EXOC6B: variants seen among roughly 807,000 people sequenced by gnomAD.
EXOC6B encodes exocyst complex component 6B.
A neutral mutation model predicts 113.5 loss-of-function variants in EXOC6B; 54 were observed. The observed-to-expected ratio is 0.48, with a 90% CI of 0.38 to 0.60. The LOEUF (loss-of-function observed/expected upper bound fraction) is 0.60. Among genes scored for constraint, EXOC6B ranks in the 20% least tolerant of loss-of-function variants. The pLI is 0.00. For missense variants in EXOC6B, 797 were observed against 977.5 expected, an observed-to-expected ratio of 0.82 and a Z score of 2.46; for synonymous variants, 357 against 339.0, an observed-to-expected ratio of 1.05 and a Z score of -0.58.
rs187665209 is a variant in EXOC6B, at chr2:72,457,074, A to C, written c.1980+8086T>G. Reference sequence around the variant, plus strand: ...TGTGCTTAACAAAGAGCATTACTTCATTATGGGAGGAGAATCTTTGGTAAA... The same window carrying C: ...TGTGCTTAACAAAGAGCATTACTTCCTTATGGGAGGAGAATCTTTGGTAAA... On this transcript the variant is annotated intron_variant, in intron 18 of 21. Coordinates refer to ENST00000272427, the MANE Select transcript of EXOC6B (RefSeq NM_015189.3). Among the ~76,000 whole-genome samples the C allele has an allele frequency of 1.7e-4, 26 of 152,146 alleles. No individual in the cohort carries two copies. In the East Asian group the frequency reaches 4.8e-3, roughly 28 times the overall value.
intron 1 of EXOC6B, among the ~76,000 whole-genome samples, chr2:72,781,882 T>A (rs553322710): frequency 6.6e-6 from 1 of 152,114 alleles, no homozygotes; most frequent in Admixed American, 6.5e-5. Flanking sequence ...TTCGCACTTG[T>A]AATCCCAGAA....
chr2:72,625,416 C>A (rs1573509112), intron 6 of EXOC6B, among the ~76,000 whole-genome samples: 2 of 152,242 alleles, frequency 1.3e-5, no homozygotes, highest in East Asian at 1.9e-4. Context: ...ACCCTCAAAA[C>A]AGCTCTGCTA....
intron 20 of EXOC6B, among the ~76,000 whole-genome samples, chr2:72,318,308 C>T (rs1687645374): frequency 6.6e-6 from 1 of 152,142 alleles, no homozygotes; most frequent in South Asian, 2.1e-4. Context: ...TTTCTAATGG[C>T]ACAGCAATAC....
intron 20 of EXOC6B, among the ~76,000 whole-genome samples, chr2:72,216,889 C>A (rs1450041081): frequency 6.6e-6 from 1 of 151,810 alleles, no homozygotes; most frequent in African/African-American, 2.4e-5. Context: ...CAAAACACAC[C>A]GGGGCCTGTT....
intron 8 of EXOC6B, among the ~76,000 whole-genome samples, chr2:72,545,944 T>C (rs566311269): frequency 3.6e-4 from 55 of 152,214 alleles, no homozygotes; most frequent in Non-Finnish European, 6.5e-4. Flanking sequence ...GAACTGCTTA[T>C]GTCTGTCTGT....
chr2:72,272,031 T>C (rs958453692), intron 20 of EXOC6B, among the ~76,000 whole-genome samples: 7 of 152,174 alleles, frequency 4.6e-5, no homozygotes, highest in Non-Finnish European at 7.3e-5. Flanking sequence ...ATTATCACTC[T>C]GGGTTTTTAT....
intron 6 of EXOC6B, among the ~76,000 whole-genome samples, chr2:72,685,463 G>A (rs1372528784): frequency 6.6e-6 from 1 of 152,076 alleles, no homozygotes; most frequent in African/African-American, 2.4e-5. Flanking sequence ...GAGCCGAAAA[G>A]GACAGTCACT....
intron 11 of EXOC6B, among the ~76,000 whole-genome samples, chr2:72,510,299 A>G (rs1700825081): frequency 6.6e-6 from 1 of 152,116 alleles, no homozygotes; most frequent in African/African-American, 2.4e-5. Flanking sequence ...ATAGTTTGGG[A>G]GAGCAAATGA....
intron 18 of EXOC6B, among the ~76,000 whole-genome samples, chr2:72,395,426 T>C (rs1406045894): frequency 6.6e-6 from 1 of 152,156 alleles, no homozygotes; most frequent in Non-Finnish European, 1.5e-5. Flanking sequence ...CTTTTTTGCT[T>C]TTTTGAGCTA....
chr2:72,722,192 G>A (rs941866301), intron 5 of EXOC6B, among the ~76,000 whole-genome samples: 1 of 151,924 alleles, frequency 6.6e-6, no homozygotes, highest in Non-Finnish European at 1.5e-5. Flanking sequence ...TTTTTCCTTT[G>A]GATGGCAATA....
chr2:72,184,085 G>A lies in EXOC6B; in HGVS notation c.2299C>T (p.Leu767=), dbSNP rs1381054801. Residue 767 remains leucine (L), a synonymous_variant, in exon 21 of 22, where the codon CTG becomes TTG. Coordinates refer to ENST00000272427, the MANE Select transcript of EXOC6B (RefSeq NM_015189.3). ...LRVNPVTALT[L]LEKMKDTSRK... ...GGACAAGGTACTCACTTCTCAAGCA[G>A]GGTCAGAGCAGTCACTGGGTTTACC... 1 of 1,552,952 alleles carries A rather than the reference G, an allele frequency of 6.4e-7. No individual in the cohort carries two copies. Among genetic ancestry groups the A allele is most frequent in the East Asian group, 2.4e-5 (1 of 41,908 alleles).
intron 6 of EXOC6B, among the ~76,000 whole-genome samples, chr2:72,692,164 G>C (rs28644503): frequency 6.6e-6 from 1 of 151,604 alleles, no homozygotes; most frequent in Non-Finnish European, 1.5e-5. Flanking sequence ...ATGCTTACTA[G>C]ATGATTACTG....
chr2:72,208,124 C>T (rs561079715), intron 20 of EXOC6B, among the ~76,000 whole-genome samples: 4 of 152,096 alleles, frequency 2.6e-5, no homozygotes, highest in African/African-American at 9.6e-5. Context: ...GGTATATGTG[C>T]AGATTTGTTA....
At chr2:72,496,031 A>G (rs1312127187) in intron 14 of EXOC6B, among the ~76,000 whole-genome samples, 1 of 152,192 alleles carries the variant, frequency 6.6e-6, no homozygotes, top group African/African-American at 2.4e-5. Flanking sequence ...TTTGGTATCA[A>G]CATTGTGGTA....
At chr2:72,183,194 C>T (rs1296843167) in intron 21 of EXOC6B, among the ~76,000 whole-genome samples, 1 of 152,200 alleles carries the variant, frequency 6.6e-6, no homozygotes, top group Non-Finnish European at 1.5e-5. Context: ...ACATGGTTGA[C>T]TGGCCATATA....
At chr2:72,690,799 A>G (rs2104587164) in intron 6 of EXOC6B, among the ~76,000 whole-genome samples, 1 of 152,166 alleles carries the variant, frequency 6.6e-6, no homozygotes, top group East Asian at 1.9e-4. Context: ...GTACTCAGTT[A>G]ACTTAAATTC....
At chr2:72,621,987 A>G (rs1573502857) in intron 6 of EXOC6B, among the ~76,000 whole-genome samples, 1 of 152,142 alleles carries the variant, frequency 6.6e-6, no homozygotes, top group East Asian at 1.9e-4. Flanking sequence ...ATGTTTATAC[A>G]TTAACTTAAA....
At chr2:72,458,309 T>C (rs1697377853) in intron 18 of EXOC6B, among the ~76,000 whole-genome samples, 1 of 152,200 alleles carries the variant, frequency 6.6e-6, no homozygotes, top group African/African-American at 2.4e-5. Context: ...CAGCTCTGTT[T>C]TGTGACTAAT....
chr2:72,266,719 G>A (rs1414777586), intron 20 of EXOC6B, among the ~76,000 whole-genome samples: 1 of 152,264 alleles, frequency 6.6e-6, no homozygotes, highest in African/African-American at 2.4e-5. Context: ...TTTGGCTTAG[G>A]ATTGACTTGG....
Sources: gnomAD v4.1 joint callset for allele counts (sites outside exome capture counted in the v4.1 genomes callset) on GRCh38, gnomAD v4.1.1 for gene constraint, MANE v1.5 for transcripts, NCBI Gene and HGNC (gene_info 2026-07-23, HGNC 2026-07-21) for gene names.